UNC80: variants seen among roughly 807,000 people sequenced by gnomAD.
The protein encoded by UNC80 is protein unc-80 homolog.
Under a neutral mutation model 384.6 loss-of-function variants are expected in UNC80, and 164 were observed. The observed-to-expected ratio is 0.43, with a 90% CI of 0.38 to 0.49. UNC80 has a LOEUF of 0.49. Among genes scored for constraint, UNC80 ranks in the 20% least tolerant of loss-of-function variants. The pLI is 0.00. For missense variants in UNC80, 3,330 were observed against 4,143.0 expected (o/e 0.80, Z 5.39); for synonymous variants, 1,486 against 1,527.8 (o/e 0.97, Z 0.64).
intron 13 of UNC80, among the ~76,000 whole-genome samples, chr2:209,821,586 C>T (rs1306456434): frequency 6.6e-6 from 1 of 152,162 alleles, no homozygotes; most frequent in African/African-American, 2.4e-5. Flanking sequence ...CCTCATTCAG[C>T]CCTCTCATGT....
Position 209,972,342 on chromosome 2 carries a change from A to G in UNC80, c.8380+18A>G, listed in dbSNP as rs2092907192. 1 of 1,548,090 alleles carries G rather than the reference A, an allele frequency of 6.5e-7. No individual in the cohort carries two copies. Among genetic ancestry groups the G allele is most frequent in the African/African-American group, 1.4e-5 (1 of 72,802 alleles). On this transcript the variant is annotated intron_variant, in intron 55 of 64. Transcript: ENST00000673920. ...AAGCAAAGGTCTGATTAATTTAACT[A>G]AAGGAAATTTATCATTGTTGTTGTG...
chr2:209,911,394 C>T (rs376867619), intron 29 of UNC80, among the ~76,000 whole-genome samples: 7 of 152,192 alleles, frequency 4.6e-5, no homozygotes, highest in African/African-American at 1.7e-4. Context: ...TGTGTTCCCA[C>T]ATATGCACCT....
intron 18 of UNC80, among the ~76,000 whole-genome samples, chr2:209,836,874 C>T (rs1362395769): frequency 6.6e-6 from 1 of 152,100 alleles, no homozygotes; most frequent in African/African-American, 2.4e-5. Context: ...AATATTGATA[C>T]ACACCATTGG....
In UNC80 at chr2:209,904,828, C is replaced by T. The variant is rs985484181; in HGVS notation, c.4645C>T (p.His1549Tyr). Reference protein sequence around the residue: ...ICTHVDYCHPHCYLHHSRSCA... With the variant: ...ICTHVDYCHPYCYLHHSRSCA... ...CACTCACGTTGACTACTGCCATCCC[C>T]ACTGCTACCTGCACCACAGCCGCTC... The change falls in exon 29 of 65, where the codon CAC (histidine) becomes TAC (tyrosine). Residue 1549 changes from histidine to tyrosine, a missense_variant. Around this residue, in one of 8 missense-constraint regions of UNC80, gnomAD observed 801 missense variants for 950.8 expected, o/e 0.84. Transcript: ENST00000673920. 1 of 1,551,910 alleles carries T rather than the reference C, an allele frequency of 6.4e-7. No homozygotes were observed. Among genetic ancestry groups the T allele is most frequent in the Non-Finnish European group, 8.7e-7 (1 of 1,147,034 alleles).
chr2:209,892,862 C>T (rs2086474221), intron 26 of UNC80, among the ~76,000 whole-genome samples: 1 of 152,064 alleles, frequency 6.6e-6, no homozygotes, highest in Admixed American at 6.6e-5. Flanking sequence ...TGGTTCATAG[C>T]CTTTGTGGGA....
chr2:209,967,734 G>A (rs536783701), intron 52 of UNC80, 97 bp downstream of exon 52: 28 of 1,264,782 alleles, frequency 2.2e-5, no homozygotes, highest in Non-Finnish European at 2.8e-5. Flanking sequence ...TTGAATGGAT[G>A]ACTTGAAAGT....
chr2:209,934,148 T>C, intron 39 of UNC80, 143 bp downstream of exon 39: 1 of 808,166 alleles, frequency 1.2e-6, no homozygotes, highest in Non-Finnish European at 1.8e-6. Flanking sequence ...AATTTTTGTT[T>C]AATATAATCA....
intron 21 of UNC80, among the ~76,000 whole-genome samples, chr2:209,847,946 C>T (rs1405662852): frequency 1.3e-5 from 2 of 151,956 alleles, no homozygotes; most frequent in Non-Finnish European, 2.9e-5. Flanking sequence ...TTTGAAATGT[C>T]TCTTTAATTC....
In UNC80 at chr2:209,993,393, C is replaced by T. The variant is rs774582028; in HGVS notation, c.9475C>T (p.Arg3159Cys). 89 of 1,551,570 alleles carry T rather than the reference C, an allele frequency of 5.7e-5. No homozygotes were observed. The highest frequency in any genetic ancestry group is 2.5e-4 in the South Asian group (21 of 84,044). Residue 3159 changes from arginine to cysteine, a missense_variant, in exon 63 of 65, where the codon CGC (arginine) becomes TGC (cysteine). This residue lies in a region of UNC80 where 236 missense variants were observed against 254.9 expected (regional missense o/e 0.93). Transcript: ENST00000673920. ...NRQGARLSTTRRSIQPKTKPS... is the reference protein window; with the variant it reads ...NRQGARLSTTCRSIQPKTKPS... ...CCAAGGGGCTCGGCTGTCAACCACT[C>T]GCAGGAGCATTCAACCTAAAACGAA...
chr2:209,898,535 G>GC (rs1435066411), intron 28 of UNC80, among the ~76,000 whole-genome samples: 1 of 152,058 alleles, frequency 6.6e-6, no homozygotes, highest in East Asian at 1.9e-4. Flanking sequence ...TACATGAGGT[G>GC]TTTTGATACA....
intron 8 of UNC80, 101 bp from the exon 9 acceptor site, chr2:209,815,156 C>A: frequency 1.7e-6 from 2 of 1,189,816 alleles, no homozygotes; most frequent in South Asian, 4.0e-5. Flanking sequence ...TCAAAGATGT[C>A]AAAGCTATAG....
intron 51 of UNC80, among the ~76,000 whole-genome samples, chr2:209,961,651 C>A (rs1277455996): frequency 1.3e-5 from 2 of 151,368 alleles, no homozygotes; most frequent in South Asian, 2.1e-4. Flanking sequence ...GTTATCAAAG[C>A]AAAGAATGAA....
intron 31 of UNC80, among the ~76,000 whole-genome samples, chr2:209,915,222 G>A (rs926872699): frequency 5.9e-5 from 9 of 151,886 alleles, no homozygotes; most frequent in Non-Finnish European, 8.8e-5. Flanking sequence ...GGCTAACATG[G>A]TGAAACCCAT....
chr2:209,931,217 TGGAG>T (rs1315613526), intron 38 of UNC80, among the ~76,000 whole-genome samples, 163 bp downstream of exon 38: 2 of 152,122 alleles, frequency 1.3e-5, no homozygotes, highest in African/African-American at 4.8e-5. Context: ...CTTTGACATA[TGGAG>T]GACAGTCAAT....
chr2:209,772,830 CTGGCGATTTAAAATCT>C (rs1347128920), intron 1 of UNC80, among the ~76,000 whole-genome samples: 1 of 152,144 alleles, frequency 6.6e-6, no homozygotes, highest in Admixed American at 6.5e-5. Flanking sequence ...CTTCTGACCA[CTGGCGATTTAAAATCT>C]TAGAAGTCTT....
intron 61 of UNC80, among the ~76,000 whole-genome samples, chr2:209,991,300 C>G (rs911005363): frequency 3.3e-5 from 5 of 152,160 alleles, no homozygotes; most frequent in Non-Finnish European, 7.3e-5. Flanking sequence ...CTCTGGGGCA[C>G]AGGATACTTC....
Position 209,840,641 on chromosome 2 carries a change from G to C in UNC80, c.3350G>C (p.Ser1117Thr), listed in dbSNP as rs78499613. Reference sequence around the variant, plus strand: ...GACCGACTCTCTTTCATCAGGCAAAGCTCCAAGGTAAACAGGACATAACTT... The same window carrying C: ...GACCGACTCTCTTTCATCAGGCAAACCTCCAAGGTAAACAGGACATAACTT... ...SVDRLSFIRQSSKVKFTSAVK... is the reference protein window; with the variant it reads ...SVDRLSFIRQTSKVKFTSAVK... The change falls in exon 20 of 65, where the codon AGC becomes ACC. Residue 1117 changes from serine (S) to threonine (T), a missense_variant. Physicochemically the swap from Ser to Thr is moderately conservative, Grantham distance 58. Around this residue, in one of 8 missense-constraint regions of UNC80, gnomAD observed 801 missense variants for 950.8 expected, o/e 0.84. Transcript: ENST00000673920. 7.8e-4 allele frequency: 1,210 copies of C among 1,551,850 alleles called. 1 individual carries two copies. The highest frequency in any genetic ancestry group is 9.9e-4 in the Non-Finnish European group (1,132 of 1,146,824).
Position 209,834,944 on chromosome 2 carries a change from A to G in UNC80, c.2975A>G (p.Gln992Arg), listed in dbSNP as rs1167026443. The change falls in exon 18 of 65, where the codon CAG becomes CGG. Residue 992 changes from glutamine to arginine, a missense_variant. By Grantham distance (43) the Gln-to-Arg change is conservative. Transcript: ENST00000673920. ...SEAGSIVDKG[Q>R]VSSAPEECRS... ...GCGGGAAGCATTGTGGATAAAGGCC[A>G]GGTATCCTCTGCACCTGAGGAATGT... 3 of 1,550,968 alleles carry G rather than the reference A, an allele frequency of 1.9e-6. No homozygotes were observed. The highest frequency in any genetic ancestry group is 3.9e-5 in the Admixed American group (2 of 50,958).
At chr2:209,970,228 G>A (rs2092844677) in intron 53 of UNC80, 1 of 268,984 alleles carries the variant, frequency 3.7e-6, no homozygotes. Flanking sequence ...GTAGTCTGGG[G>A]TGGGGAACTT....
Sources: gnomAD v4.1 joint callset for allele counts (sites outside exome capture counted in the v4.1 genomes callset) on GRCh38, gnomAD v4.1.1 for gene constraint, gnomAD v4.1.1 regional missense constraint, MANE v1.5 for transcripts, NCBI Gene and HGNC (gene_info 2026-07-23, HGNC 2026-07-21) for gene names.